The following CSMD1 variants were observed in gnomAD, a reference collection of about 807,000 sequenced individuals.
The protein encoded by CSMD1 is CUB and sushi domain-containing protein 1.
Under a neutral mutation model 417.5 loss-of-function variants are expected in CSMD1, and 213 were observed. The ratio of observed to expected loss-of-function variants is 0.51; its 90% CI spans 0.46 to 0.57. CSMD1 has a LOEUF of 0.57. CSMD1 is among the 20% of genes least tolerant of loss of function. CSMD1 has a pLI of 0.00. For synonymous variants in CSMD1, 2,862 were observed against 1,736.8 expected, an observed-to-expected ratio of 1.65 and a Z score of -16.11; for missense variants, 6,923 against 4,529.7, an observed-to-expected ratio of 1.53 and a Z score of -15.17.
intron 5 of CSMD1, among the ~76,000 whole-genome samples, chr8:3,755,403 C>A (rs753163440): frequency 6.6e-6 from 1 of 152,182 alleles, no homozygotes; most frequent in South Asian, 2.1e-4. Flanking sequence ...TGGTTGTGCA[C>A]TGAATAATTA....
At chr8:4,306,495 C>T (rs1175708651) in intron 3 of CSMD1, among the ~76,000 whole-genome samples, 2 of 152,116 alleles carry the variant, frequency 1.3e-5, no homozygotes, top group East Asian at 3.9e-4. Context: ...TGTAAGATCT[C>T]ATTTCTAGAA....
At chr8:3,821,999 T>C (rs991125380) in intron 5 of CSMD1, among the ~76,000 whole-genome samples, 1 of 152,142 alleles carries the variant, frequency 6.6e-6, no homozygotes, top group Non-Finnish European at 1.5e-5. Flanking sequence ...CTGGTTGTAA[T>C]ACAACTTCTG....
chr8:3,307,315 C>T (rs947427368), intron 25 of CSMD1, among the ~76,000 whole-genome samples: 5 of 152,020 alleles, frequency 3.3e-5, no homozygotes, highest in Admixed American at 2.6e-4. Flanking sequence ...CCAACCATCC[C>T]AGCTGAGGCC....
chr8:4,774,684 G>C (rs977094298), intron 1 of CSMD1, among the ~76,000 whole-genome samples: 6 of 152,058 alleles, frequency 3.9e-5, no homozygotes, highest in Non-Finnish European at 2.9e-5. Context: ...CAGAAGTATT[G>C]GCTCATGGGG....
chr8:3,463,256 T>A (rs1250937723), intron 12 of CSMD1, among the ~76,000 whole-genome samples: 2 of 152,012 alleles, frequency 1.3e-5, no homozygotes, highest in African/African-American at 4.8e-5. Flanking sequence ...CCAAGCACAC[T>A]CCCAATACCT....
At chr8:3,582,836 C>G (rs1444512720) in intron 9 of CSMD1, among the ~76,000 whole-genome samples, 1 of 152,142 alleles carries the variant, frequency 6.6e-6, no homozygotes, top group Non-Finnish European at 1.5e-5. Context: ...TTTAGTCTAG[C>G]TACTAAATAT....
intron 1 of CSMD1, among the ~76,000 whole-genome samples, chr8:4,800,831 G>T (rs1798245232): frequency 6.6e-6 from 1 of 152,218 alleles, no homozygotes; most frequent in African/African-American, 2.4e-5. Context: ...TGGGTGCAGG[G>T]CACAAAGTCC....
intron 1 of CSMD1, among the ~76,000 whole-genome samples, chr8:4,842,988 G>A (rs1800928100): frequency 6.6e-6 from 1 of 152,140 alleles, no homozygotes; most frequent in South Asian, 2.1e-4. Flanking sequence ...AGAGCTTGTT[G>A]AATAGTCATC....
chr8:4,271,694 A>G (rs1804607332), intron 3 of CSMD1, among the ~76,000 whole-genome samples: 1 of 152,212 alleles, frequency 6.6e-6, no homozygotes, highest in African/African-American at 2.4e-5. Flanking sequence ...CACTATATGT[A>G]TATTAATCCT....
intron 2 of CSMD1, among the ~76,000 whole-genome samples, chr8:4,620,920 G>A (rs1044320513): frequency 2.6e-5 from 4 of 151,646 alleles, no homozygotes; most frequent in African/African-American, 9.7e-5. Flanking sequence ...TAGGCAACTG[G>A]CAAATAATAA....
At chr8:3,432,197 G>A (rs1814260953) in intron 12 of CSMD1, among the ~76,000 whole-genome samples, 1 of 152,058 alleles carries the variant, frequency 6.6e-6, no homozygotes, top group Admixed American at 6.6e-5. Flanking sequence ...TCAGGAAGAG[G>A]CATGGGTAGA....
intron 8 of CSMD1, among the ~76,000 whole-genome samples, chr8:3,600,065 G>C (rs771998404): frequency 3.3e-5 from 5 of 152,176 alleles, no homozygotes; most frequent in Non-Finnish European, 7.3e-5. Context: ...AGCTGGTTCT[G>C]AATGCTTGCT....
intron 3 of CSMD1, among the ~76,000 whole-genome samples, chr8:4,259,230 T>C (rs1297273800): frequency 8.5e-5 from 13 of 152,156 alleles, no homozygotes; most frequent in Non-Finnish European, 1.6e-4. Context: ...GCAGAGAGAA[T>C]GCGGGACACA....
intron 3 of CSMD1, among the ~76,000 whole-genome samples, chr8:4,355,384 C>T (rs906982238): frequency 5.9e-5 from 9 of 151,892 alleles, no homozygotes; most frequent in South Asian, 2.1e-4. Flanking sequence ...ACAAAAATGA[C>T]GCGTTAAGAG....
intron 8 of CSMD1, among the ~76,000 whole-genome samples, chr8:3,593,292 G>C (rs541917811): frequency 1.3e-5 from 2 of 152,322 alleles, no homozygotes; most frequent in African/African-American, 2.4e-5. Flanking sequence ...GGACTCCTTA[G>C]TTCCCAGCTG....
intron 2 of CSMD1, among the ~76,000 whole-genome samples, chr8:4,582,238 A>G (rs2725072): frequency 0.38 from 58,336 of 151,872 alleles, 11,382 homozygotes; most frequent in African/African-American, 0.43. Flanking sequence ...GTCAATAATA[A>G]TAAAGGGCTG....
chr8:3,841,343 G>T (rs891941456), intron 5 of CSMD1, among the ~76,000 whole-genome samples: 3 of 152,100 alleles, frequency 2.0e-5, no homozygotes, highest in South Asian at 2.1e-4. Context: ...TGCATTTTTG[G>T]ACTTCTTTAA....
intron 13 of CSMD1, among the ~76,000 whole-genome samples, chr8:3,408,466 G>A (rs904583357): frequency 6.6e-6 from 1 of 151,092 alleles, no homozygotes; most frequent in African/African-American, 2.5e-5. Context: ...CACAAGCGTG[G>A]TTCAAAAATG....
rs376187342 is a variant in CSMD1, at chr8:3,697,257, T to A, written c.1009+11157A>T. On this transcript the variant is annotated intron_variant, in intron 7 of 69. Coordinates refer to ENST00000635120, the MANE Select transcript of CSMD1 (RefSeq NM_033225.6). Reference sequence around the variant, plus strand: ...CAGTTTCAGTTTCATGATTCTGTAATTCTGTAAGCACTCTAATGAAAGGAT... The same window carrying A: ...CAGTTTCAGTTTCATGATTCTGTAAATCTGTAAGCACTCTAATGAAAGGAT... Among the ~76,000 whole-genome samples, 670 of 152,330 alleles carry A rather than the reference T, an allele frequency of 4.4e-3. 1 individual carries two copies. Among genetic ancestry groups the A allele is most frequent in the South Asian group, 0.035 (169 of 4,832 alleles).
Sources: allele counts gnomAD v4.1 joint callset (sites outside exome capture counted in the v4.1 genomes callset), GRCh38; gene constraint gnomAD v4.1.1; transcripts MANE v1.5; gene names NCBI Gene and HGNC (gene_info 2026-07-23, HGNC 2026-07-21).